COLGALT1: variants seen among roughly 807,000 people sequenced by gnomAD.
COLGALT1 encodes collagen beta(1-O)galactosyltransferase 1.
In COLGALT1, 43 loss-of-function variants were observed where a neutral mutation model predicts 60.8. The observed-to-expected ratio is 0.71, with a 90% CI of 0.55 to 0.91. The LOEUF (loss-of-function observed/expected upper bound fraction) is 0.91. Among genes scored for constraint, COLGALT1 ranks in the 40% least tolerant of loss-of-function variants. The probability of loss-of-function intolerance (pLI) is 0.00; values close to 1 mark genes in which losing one functional copy is unlikely to be tolerated. For synonymous variants in COLGALT1, 369 were observed against 374.2 expected (o/e 0.99, Z 0.16); for missense variants, 845 against 880.0 (o/e 0.96, Z 0.50).
Position 17,563,187 on chromosome 19 carries a change from C to CTTT in COLGALT1, c.489+2741_489+2743dup, listed in dbSNP as rs954111271. Among the ~76,000 whole-genome samples the CTTT allele has an allele frequency of 8.0e-4, 94 of 117,506 alleles. 1 individual carries two copies. Among genetic ancestry groups the CTTT allele is most frequent in the African/African-American group, 1.3e-3 (38 of 29,698 alleles). 77.1% of individuals were successfully genotyped at this position (117,506 alleles called of 152,430 possible). A position where few individuals can be genotyped will look rare whatever the true frequency, so the allele number is the denominator to read the frequency against. On this transcript the variant is annotated intron_variant, in intron 3 of 11. Transcript: ENST00000252599. ...GACACAAAATAATATTTTCGTGTTT[C>CTTT]TTTTTTTTTTTTTTTTTTTTTGAGA... is the stretch of plus-strand genomic sequence containing the variant.
In COLGALT1 at chr19:17,555,875, G is replaced by T. The variant is rs1369999312; in HGVS notation, c.162G>T (p.Val54=). 3.6e-6 allele frequency: 5 copies of T among 1,383,784 alleles called. No individual in the cohort carries two copies. Among genetic ancestry groups the T allele is most frequent in the South Asian group, 1.5e-5 (1 of 66,120 alleles). The allele number at this position is 1,383,784 out of a possible 1,614,324, so 85.7% of individuals were successfully genotyped here. Residue 54 remains valine (V), a synonymous_variant, in exon 1 of 12, where the codon GTG becomes GTT. Coordinates refer to ENST00000252599, the MANE Select transcript of COLGALT1 (RefSeq NM_024656.4). ...AGTCGCCCCTGCAGGCGCCGCGCGTGCTCATCGCGCTGTTGGCGCGAAACG... is the reference window on the plus strand; with the variant it reads ...AGTCGCCCCTGCAGGCGCCGCGCGTTCTCATCGCGCTGTTGGCGCGAAACG... ...SPESPLQAPR[V]LIALLARNAA...
intron 5 of COLGALT1, among the ~76,000 whole-genome samples, chr19:17,570,403 C>T (rs890076466): frequency 6.6e-6 from 1 of 151,296 alleles, no homozygotes; most frequent in East Asian, 1.9e-4. Context: ...ACATGCCCAG[C>T]TAATTGAAAA....
intron 3 of COLGALT1, among the ~76,000 whole-genome samples, chr19:17,563,634 C>G (rs533461155): frequency 2.6e-4 from 39 of 152,154 alleles, no homozygotes; most frequent in Non-Finnish European, 3.2e-4. Context: ...CAGGCGTGAG[C>G]CAGCGCGCCT....
Position 17,555,992 on chromosome 19 carries a change from C to G in COLGALT1, c.260+19C>G. 7.6e-7 allele frequency: 1 copy of G among 1,308,150 alleles called. No individual in the cohort carries two copies. Among genetic ancestry groups the G allele is most frequent in the Non-Finnish European group, 9.7e-7 (1 of 1,025,876 alleles). 81.0% of individuals were successfully genotyped at this position (1,308,150 alleles called of 1,614,324 possible). The stretch of plus-strand genomic sequence containing the variant: ...CGCTATGGTGAGTCGAGCCCGCTGT[C>G]CCCATCAGGCGGGTCACGCGAGCCC... On this transcript the variant is annotated intron_variant, in intron 1 of 11. Coordinates refer to ENST00000252599, the MANE Select transcript of COLGALT1 (RefSeq NM_024656.4).
intron 6 of COLGALT1, 97 bp downstream of exon 6, chr19:17,572,699 A>T (rs2076320240): frequency 1.3e-6 from 2 of 1,543,310 alleles, no homozygotes; most frequent in Admixed American, 3.6e-5. Context: ...AGTGCCAGGC[A>T]GATGCAAGTC....
At chr19:17,558,353 G>A (rs1404289519) in intron 1 of COLGALT1, among the ~76,000 whole-genome samples, 4 of 150,702 alleles carry the variant, frequency 2.7e-5, no homozygotes, top group Non-Finnish European at 5.9e-5. Context: ...GGGATGACAG[G>A]CGTGAGCCAC....
In COLGALT1 at chr19:17,582,043, G is replaced by A; in HGVS notation, c.*599G>A. On this transcript the variant is annotated 3_prime_UTR_variant, in exon 12 of 12. Coordinates refer to ENST00000252599, the MANE Select transcript of COLGALT1 (RefSeq NM_024656.4). ...TGTTTCTCGGCCTCCCAAGTAGCTG[G>A]GACTATAGGTGCGTGCCATCACATC... 6.4e-6 allele frequency: 1 copy of A among 155,600 alleles called. No homozygotes were observed. The highest frequency in any genetic ancestry group is 1.4e-5 in the Non-Finnish European group (1 of 69,992). The allele number at this position is 155,600 out of a possible 1,614,324, so 9.6% of individuals were successfully genotyped here.
chr19:17,570,666 A>G (rs531777749), intron 5 of COLGALT1, among the ~76,000 whole-genome samples: 13 of 152,126 alleles, frequency 8.5e-5, no homozygotes, highest in African/African-American at 3.1e-4. Flanking sequence ...CCCAGGTTCA[A>G]TTGATTCTCC....
chr19:17,555,679 C>G lies in COLGALT1; in HGVS notation c.-35C>G, dbSNP rs1262715025. On this transcript the variant is annotated 5_prime_UTR_variant, in exon 1 of 12. Transcript: ENST00000252599. ...CTTTAAGGCGCGGCCAGAGTCCTCC[C>G]GCAGAAAAACGACTTAAAGGAGACG... 3 of 1,177,518 alleles carry G rather than the reference C, an allele frequency of 2.5e-6. No individual in the cohort carries two copies. Among genetic ancestry groups the G allele is most frequent in the African/African-American group, 1.6e-5 (1 of 62,278 alleles). The allele number at this position is 1,177,518 out of a possible 1,614,324, so 72.9% of individuals were successfully genotyped here. A position where few individuals can be genotyped will look rare whatever the true frequency, so the allele number is the denominator to read the frequency against.
In COLGALT1 at chr19:17,560,429, G is replaced by A. The variant is rs1289867585; in HGVS notation, c.453G>A (p.Leu151=). Residue 151 remains leucine, a synonymous_variant, in exon 3 of 12, where the codon CTG becomes CTA. Transcript: ENST00000252599. Reference sequence around the variant, plus strand: ...TCATGAAGTTGCGCCAGGCAGCCCTGAAATCAGCTCGAGACATGTGGGCTG... The same window carrying A: ...TCATGAAGTTGCGCCAGGCAGCCCTAAAATCAGCTCGAGACATGTGGGCTG... ...EHVMKLRQAA[L]KSARDMWADY... is the part of the protein sequence containing the mutation. 4 of 1,614,172 alleles carry A rather than the reference G, an allele frequency of 2.5e-6. No individual in the cohort carries two copies. In the African/African-American group the frequency reaches 4.0e-5, roughly 16 times the overall value.
chr19:17,562,818 C>T (rs535577332), intron 3 of COLGALT1, among the ~76,000 whole-genome samples: 3 of 152,236 alleles, frequency 2.0e-5, no homozygotes, highest in African/African-American at 4.8e-5. Context: ...TGCTTTGACA[C>T]TGGATGTGAA....
At chr19:17,574,403 C>T (rs1261556593) in intron 6 of COLGALT1, among the ~76,000 whole-genome samples, 1 of 151,554 alleles carries the variant, frequency 6.6e-6, no homozygotes, top group Non-Finnish European at 1.5e-5. Flanking sequence ...ATTCTGGGCT[C>T]ACTTGAAACC....
chr19:17,563,506 C>T (rs1207917960), intron 3 of COLGALT1, among the ~76,000 whole-genome samples: 3 of 152,118 alleles, frequency 2.0e-5, no homozygotes, highest in Non-Finnish European at 2.9e-5. Flanking sequence ...CCCGCCACAA[C>T]ACCCGGCTAA....
intron 3 of COLGALT1, among the ~76,000 whole-genome samples, chr19:17,561,262 G>A (rs2076247499): frequency 6.6e-6 from 1 of 151,870 alleles, no homozygotes; most frequent in South Asian, 2.1e-4. Flanking sequence ...AAATATTTTT[G>A]TAGAGACGGG....
rs1389329436 is a variant in COLGALT1 at position 17,582,966 on chromosome 19, T to C, written c.*1522T>C. On this transcript the variant is annotated 3_prime_UTR_variant, in exon 12 of 12. Coordinates refer to ENST00000252599, the MANE Select transcript of COLGALT1 (RefSeq NM_024656.4). ...TGTTCAAGCCTTTGGTGGGATCATG[T>C]GTTTGGGGGCTTTTAGGGGACCCAG... 1 of 152,366 alleles carries C rather than the reference T, an allele frequency of 6.6e-6. No individual in the cohort carries two copies. The highest frequency in any genetic ancestry group is 6.5e-5 in the Admixed American group (1 of 15,286). The allele number at this position is 152,366 out of a possible 1,614,324, so 9.4% of individuals were successfully genotyped here.
At chr19:17,580,942 C>T (rs891184) in intron 11 of COLGALT1, 37 bp downstream of exon 11, 664,145 of 1,608,056 alleles carry the variant, frequency 0.41, 140,857 homozygotes, top group Middle Eastern at 0.5. Context: ...TGGGGTTTCA[C>T]GGTGGGTCTG....
At chr19:17,577,134 G>T in intron 6 of COLGALT1, 61 bp from the exon 7 acceptor site, 2 of 1,540,588 alleles carry the variant, frequency 1.3e-6, no homozygotes, top group South Asian at 1.1e-5. Context: ...TGGGGAAAGC[G>T]TGTTGGAGAG....
At chr19:17,558,617 G>T (rs2076229006) in intron 1 of COLGALT1, among the ~76,000 whole-genome samples, 1 of 151,888 alleles carries the variant, frequency 6.6e-6, no homozygotes, top group Non-Finnish European at 1.5e-5. Flanking sequence ...GGCGGAGATT[G>T]CAGTGAACCA....
At chr19:17,563,784 G>A (rs1032964711) in intron 3 of COLGALT1, among the ~76,000 whole-genome samples, 1 of 152,122 alleles carries the variant, frequency 6.6e-6, no homozygotes, top group Non-Finnish European at 1.5e-5. Flanking sequence ...GTGAGCCACT[G>A]CGCCTGGTCA....
Sources: gnomAD v4.1 joint callset for allele counts (sites outside exome capture counted in the v4.1 genomes callset) on GRCh38, gnomAD v4.1.1 for gene constraint, MANE v1.5 for transcripts, NCBI Gene and HGNC (gene_info 2026-07-23, HGNC 2026-07-21) for gene names.